PAPPA2: variants seen among roughly 807,000 people sequenced by gnomAD.
PAPPA2 encodes pappalysin 2.
A neutral mutation model predicts 176.4 loss-of-function variants in PAPPA2; 86 were observed. That is an observed-to-expected ratio of 0.49 (90% CI 0.41 to 0.58). The LOEUF (loss-of-function observed/expected upper bound fraction) is 0.58. Ranked by LOEUF, PAPPA2 falls within the 20% of genes least tolerant of loss-of-function variation. The probability of loss-of-function intolerance (pLI) is 0.00; values close to 1 mark genes in which losing one functional copy is unlikely to be tolerated. For missense variants in PAPPA2, 2,073 were observed against 2,256.9 expected (o/e 0.92, Z 1.65); for synonymous variants, 809 against 852.2 (o/e 0.95, Z 0.88).
intron 2 of PAPPA2, among the ~76,000 whole-genome samples, chr1:176,586,967 T>G (rs1227556598): frequency 6.6e-6 from 1 of 152,180 alleles, no homozygotes; most frequent in Non-Finnish European, 1.5e-5. Flanking sequence ...GTTTCCTGAT[T>G]TTTTAATAAT....
intron 21 of PAPPA2, among the ~76,000 whole-genome samples, chr1:176,827,846 A>G (rs1666918558): frequency 6.6e-6 from 1 of 152,190 alleles, no homozygotes; most frequent in Non-Finnish European, 1.5e-5. Flanking sequence ...TTTACTGTAT[A>G]GAGTAATTTT....
In PAPPA2 at chr1:176,842,430, C is replaced by T; in HGVS notation, c.5352C>T (p.Asp1784=). The part of the protein sequence containing the change: ...DCDLDECTCR[D]PKAEENQ ...ACCTGGATGAGTGCACCTGCCGGGA[C>T]CCCAAGGCAGAAGAAAATCAGTAAC... Residue 1784 remains aspartate (D), a synonymous_variant, in exon 23 of 23, where the codon GAC becomes GAT. Transcript: ENST00000367662. 1.9e-6 allele frequency: 3 copies of T among 1,613,300 alleles called. No individual in the cohort carries two copies. The highest frequency in any genetic ancestry group is 1.3e-5 in the African/African-American group (1 of 74,966).
chr1:176,765,172 A>G (rs182934835), intron 14 of PAPPA2, among the ~76,000 whole-genome samples: 6 of 152,268 alleles, frequency 3.9e-5, no homozygotes, highest in Admixed American at 2.6e-4. Context: ...CCTTTCTGTC[A>G]CCTTAGAAAC....
chr1:176,759,320 A>AGG (rs1191409292), intron 14 of PAPPA2, among the ~76,000 whole-genome samples: 6 of 152,180 alleles, frequency 3.9e-5, no homozygotes, highest in African/African-American at 1.4e-4. Context: ...TTTTGGGCTA[A>AGG]CTTTTCTCAT....
chr1:176,691,234 A>C, intron 5 of PAPPA2: 1 of 941,918 alleles, frequency 1.1e-6, no homozygotes, highest in Non-Finnish European at 1.3e-6. Context: ...TATTTTTTCT[A>C]TAAGTTTTGG....
At chr1:176,756,017 A>G (rs2102893942) in intron 14 of PAPPA2, among the ~76,000 whole-genome samples, 1 of 152,260 alleles carries the variant, frequency 6.6e-6, no homozygotes, top group East Asian at 1.9e-4. Flanking sequence ...GTTGGAGTGC[A>G]GCACAATCTC....
intron 8 of PAPPA2, among the ~76,000 whole-genome samples, chr1:176,700,921 A>G (rs1304658291): frequency 6.6e-6 from 1 of 152,178 alleles, no homozygotes; most frequent in East Asian, 1.9e-4. Flanking sequence ...GAACTAGAAG[A>G]TAGTGAAATG....
intron 21 of PAPPA2, among the ~76,000 whole-genome samples, chr1:176,825,569 T>A (rs1363113176): frequency 6.6e-6 from 1 of 151,566 alleles, no homozygotes; most frequent in Non-Finnish European, 1.5e-5. Flanking sequence ...GTGCAAAGAG[T>A]TCAGCATGAA....
At chr1:176,692,591 C>T (rs922017193) in intron 6 of PAPPA2, among the ~76,000 whole-genome samples, 12 of 152,186 alleles carry the variant, frequency 7.9e-5, no homozygotes, top group Admixed American at 5.9e-4. Context: ...ATTGGCAGAA[C>T]GGAGAGGGCA....
chr1:176,822,269 T>A (rs1372533406), intron 21 of PAPPA2, among the ~76,000 whole-genome samples: 2 of 152,268 alleles, frequency 1.3e-5, no homozygotes, highest in East Asian at 3.9e-4. Context: ...GACTCTTGGC[T>A]CTGATCTCTA....
chr1:176,550,002 C>G (rs1229413596), intron 1 of PAPPA2, among the ~76,000 whole-genome samples: 1 of 152,216 alleles, frequency 6.6e-6, no homozygotes, highest in African/African-American at 2.4e-5. Flanking sequence ...TTCTATTCAA[C>G]TATTTCCCCA....
In PAPPA2 at chr1:176,702,650, G is replaced by A; in HGVS notation, c.3280G>A (p.Glu1094Lys). The A allele has an allele frequency of 1.2e-6, 2 of 1,614,062 alleles. No individual in the cohort carries two copies. The highest frequency in any genetic ancestry group is 1.7e-6 in the Non-Finnish European group (2 of 1,180,012). Reference sequence around the variant, plus strand: ...GATGTATCAGTACCAAGTTCTAGCTGAAGCTGGAGGAGAACTGGGAGAAGC... The same window carrying A: ...GATGTATCAGTACCAAGTTCTAGCTAAAGCTGGAGGAGAACTGGGAGAAGC... ...GQMYQYQVLAEAGGELGEASP... is the reference protein window; with the variant it reads ...GQMYQYQVLAKAGGELGEASP... The change falls in exon 9 of 23, where the codon GAA (glutamate) becomes AAA (lysine). Residue 1094 changes from glutamate (E) to lysine (K), a missense_variant. Physicochemically the swap from Glu to Lys is moderately conservative, Grantham distance 56. This residue lies in a region of PAPPA2 where 846 missense variants were observed against 857.9 expected (regional missense o/e 0.99). Coordinates refer to ENST00000367662, the MANE Select transcript of PAPPA2 (RefSeq NM_020318.3).
At chr1:176,786,607 G>A (rs1283314675) in intron 17 of PAPPA2, among the ~76,000 whole-genome samples, 1 of 152,176 alleles carries the variant, frequency 6.6e-6, no homozygotes, top group East Asian at 1.9e-4. Context: ...GGTCATCTGA[G>A]TGCTCAGCCC....
At chr1:176,805,991 C>A (rs1338406444) in intron 21 of PAPPA2, among the ~76,000 whole-genome samples, 323 of 76,350 alleles carry the variant, frequency 4.2e-3, no homozygotes, top group South Asian at 0.013. Context: ...CTGTCTCTCT[C>A]AAAAAAAAAA....
chr1:176,470,093 C>G (rs991353126), intron 1 of PAPPA2, among the ~76,000 whole-genome samples: 5 of 152,114 alleles, frequency 3.3e-5, no homozygotes, highest in African/African-American at 1.2e-4. Flanking sequence ...GTTAAGTCTC[C>G]AAATGCAAAT....
intron 21 of PAPPA2, among the ~76,000 whole-genome samples, chr1:176,827,551 G>A (rs1666908378): frequency 6.6e-6 from 1 of 152,044 alleles, no homozygotes; most frequent in South Asian, 2.1e-4. Context: ...CTCCAGGCAG[G>A]TCCTCTTTCT....
chr1:176,591,937 G>A (rs184783889), intron 2 of PAPPA2, among the ~76,000 whole-genome samples: 19 of 152,192 alleles, frequency 1.2e-4, no homozygotes, highest in African/African-American at 4.6e-4. Flanking sequence ...AAATGCTAAG[G>A]CTCTCAACTT....
At position 176,809,548 on chromosome 1, in the gene PAPPA2, C is replaced by T. The variant is rs117969650; in HGVS notation, c.5202+9416C>T. Among the ~76,000 whole-genome samples the T allele has an allele frequency of 3.0e-3, 452 of 152,230 alleles. 12 individuals carry two copies. Among genetic ancestry groups the T allele is most frequent in the Admixed American group, 0.022 (331 of 15,284 alleles). ...AGCCCTGTTAGCTGTGTCTGGGACA[C>T]GTGCTTATTGATCACTCATGGGCAC... is the stretch of plus-strand genomic sequence containing the variant. On this transcript the variant is annotated intron_variant, in intron 21 of 22. Coordinates refer to ENST00000367662, the MANE Select transcript of PAPPA2 (RefSeq NM_020318.3).
chr1:176,723,097 T>C (rs12140331), intron 12 of PAPPA2, among the ~76,000 whole-genome samples: 11,221 of 152,186 alleles, frequency 0.074, 525 homozygotes, highest in Middle Eastern at 0.11. Flanking sequence ...ACCAGGGTAG[T>C]AGGGCAAAAG....
Sources: allele counts gnomAD v4.1 joint callset (sites outside exome capture counted in the v4.1 genomes callset), GRCh38; gene constraint gnomAD v4.1.1; regional missense constraint gnomAD v4.1.1; transcripts MANE v1.5; gene names NCBI Gene and HGNC (gene_info 2026-07-23, HGNC 2026-07-21).